ASAP2: variants seen among roughly 807,000 people sequenced by gnomAD.
ASAP2 encodes the protein ArfGAP with SH3 domain, ankyrin repeat and PH domain 2.
A neutral mutation model predicts 131.4 loss-of-function variants in ASAP2; 45 were observed. The ratio of observed to expected loss-of-function variants is 0.34; its 90% CI spans 0.27 to 0.44. ASAP2 has a LOEUF of 0.44. ASAP2 is among the 20% of genes least tolerant of loss of function. ASAP2 has a pLI of 1.00. For missense variants in ASAP2, 1,011 were observed against 1,297.0 expected, an observed-to-expected ratio of 0.78 and a Z score of 3.39; for synonymous variants, 510 against 503.0, an observed-to-expected ratio of 1.01 and a Z score of -0.19.
intron 1 of ASAP2, among the ~76,000 whole-genome samples, chr2:9,252,416 A>T (rs1266641053): frequency 1.3e-5 from 2 of 151,968 alleles, no homozygotes; most frequent in African/African-American, 2.4e-5. Context: ...CCCCATCTTT[A>T]CTAAAAATAC....
At chr2:9,381,723 C>A (rs555995904) in intron 20 of ASAP2, among the ~76,000 whole-genome samples, 2 of 152,136 alleles carry the variant, frequency 1.3e-5, no homozygotes, top group East Asian at 3.9e-4. Flanking sequence ...GGCAACAGAG[C>A]AACACGCCAT....
At chr2:9,347,279 C>T (rs1018361236) in intron 11 of ASAP2, among the ~76,000 whole-genome samples, 11 of 152,184 alleles carry the variant, frequency 7.2e-5, no homozygotes, top group African/African-American at 1.9e-4. Flanking sequence ...TGTATGACTG[C>T]GTCTACAGAG....
At chr2:9,271,731 G>A (rs1174724685) in intron 1 of ASAP2, 2 of 429,194 alleles carry the variant, frequency 4.7e-6, no homozygotes, top group Non-Finnish European at 4.1e-6. Context: ...AGGCTGCTGA[G>A]TCCTCGGCAG....
chr2:9,274,624 A>C (rs1020842001), intron 1 of ASAP2, among the ~76,000 whole-genome samples: 2 of 151,848 alleles, frequency 1.3e-5, no homozygotes, highest in African/African-American at 4.9e-5. Flanking sequence ...CGTCCAGCCT[A>C]ACACTCAATC....
Position 9,217,603 on chromosome 2 carries a change from G to A in ASAP2, c.126+10373G>A, listed in dbSNP as rs1572180735. Among the ~76,000 whole-genome samples the A allele has an allele frequency of 6.8e-6, 1 of 147,806 alleles. No individual in the cohort carries two copies. The highest frequency in any genetic ancestry group is 6.8e-5 in the Admixed American group (1 of 14,802). On this transcript the variant is annotated intron_variant, in intron 1 of 27. Transcript: ENST00000281419. This position sits in a 1 kb window ranked among gnomAD's most constrained non-coding sequence, Gnocchi z 4.0. ...AGAAGAAATCATGTTCTTCTTAGAG[G>A]TATGTTTTTGTTTTTTGTTTTTTTT...
chr2:9,337,721 C>A (rs992064271), intron 9 of ASAP2, among the ~76,000 whole-genome samples: 1 of 152,176 alleles, frequency 6.6e-6, no homozygotes, highest in African/African-American at 2.4e-5. Flanking sequence ...TGTGACCCTG[C>A]AGCTTTGTTT....
Position 9,356,348 on chromosome 2 carries a change from G to A in ASAP2, c.1327+3G>A. ...CTGCTGTGACTGTGGGGCGCCAGGT[G>A]ACCCAGGGACCCCACCCGACCCTGG... is the stretch of plus-strand genomic sequence containing the variant. On this transcript the variant is annotated splice_donor_region_variant and intron_variant, in intron 14 of 27. Coordinates refer to ENST00000281419, the MANE Select transcript of ASAP2 (RefSeq NM_003887.3). The A allele has an allele frequency of 6.3e-7, 1 of 1,579,372 alleles. No homozygotes were observed. The highest frequency in any genetic ancestry group is 2.2e-5 in the East Asian group (1 of 44,616).
intron 1 of ASAP2, among the ~76,000 whole-genome samples, chr2:9,265,794 C>G (rs375481405): frequency 1.3e-5 from 2 of 151,928 alleles, no homozygotes; most frequent in African/African-American, 4.8e-5. Context: ...TTTTTTGAGA[C>G]GGAGTTTCAC....
chr2:9,263,727 G>C (rs1361271800), intron 1 of ASAP2, among the ~76,000 whole-genome samples: 1 of 152,160 alleles, frequency 6.6e-6, no homozygotes, highest in Admixed American at 6.5e-5. Flanking sequence ...TAGTGTGTGT[G>C]GGTTTAGAGC....
At chr2:9,255,572 C>A (rs951852585) in intron 1 of ASAP2, among the ~76,000 whole-genome samples, 4 of 152,156 alleles carry the variant, frequency 2.6e-5, no homozygotes, top group African/African-American at 9.7e-5. Context: ...TTCTGTGTGT[C>A]CTTGCCGTGG....
intron 15 of ASAP2, among the ~76,000 whole-genome samples, chr2:9,359,976 T>C (rs1672979242): frequency 6.6e-6 from 1 of 152,206 alleles, no homozygotes. Context: ...CCTGGTTACA[T>C]ACAGCAATTA....
intron 1 of ASAP2, among the ~76,000 whole-genome samples, chr2:9,257,477 A>G (rs367889986): frequency 1.3e-5 from 2 of 152,332 alleles, no homozygotes; most frequent in South Asian, 2.1e-4. Flanking sequence ...GAACCAGTAC[A>G]TGATGTCGGA....
chr2:9,389,710 C>T lies in ASAP2; in HGVS notation c.2383+1164C>T, dbSNP rs919188600. On this transcript the variant is annotated intron_variant, in intron 22 of 27. Transcript: ENST00000281419. The surrounding 1 kb of genome is among the most constrained non-coding windows in gnomAD (Gnocchi z 4.7). Reference sequence around the variant, plus strand: ...CCCCGAAGAACAAACCTGCTGAGAGCAGACCTTCCCCCAGGCAGGCCCAGA... The same window carrying T: ...CCCCGAAGAACAAACCTGCTGAGAGTAGACCTTCCCCCAGGCAGGCCCAGA... Among the ~76,000 whole-genome samples the T allele has an allele frequency of 6.6e-6, 1 of 152,198 alleles. No homozygotes were observed. The highest frequency in any genetic ancestry group is 2.4e-5 in the African/African-American group (1 of 41,440).
chr2:9,349,314 A>T (rs1242900154), intron 11 of ASAP2, among the ~76,000 whole-genome samples: 1 of 152,212 alleles, frequency 6.6e-6, no homozygotes, highest in Non-Finnish European at 1.5e-5. Flanking sequence ...TTGCACGTGT[A>T]CAGTTGTGTC....
At position 9,252,585 on chromosome 2, in the gene ASAP2, C is replaced by T. The variant is rs568321823; in HGVS notation, c.127-26732C>T. Among the ~76,000 whole-genome samples, 4 of 150,578 alleles carry T rather than the reference C, an allele frequency of 2.7e-5. No homozygotes were observed. In the East Asian group the frequency reaches 6.0e-4, roughly 23 times the overall value. On this transcript the variant is annotated intron_variant, in intron 1 of 27. Transcript: ENST00000281419. ...TGAGACCCTATTCCCCTAACACCCCCGCCCCCCAAAAAAAGCCTTCGGAAG... is the reference window on the plus strand; with the variant it reads ...TGAGACCCTATTCCCCTAACACCCCTGCCCCCCAAAAAAAGCCTTCGGAAG...
At chr2:9,361,971 CTGCG>C (rs1268391580) in intron 15 of ASAP2, among the ~76,000 whole-genome samples, 5 of 91,398 alleles carry the variant, frequency 5.5e-5, no homozygotes, top group African/African-American at 2.3e-4. Context: ...ATCTCTTTCT[CTGCG>C]TGTGTGTGTG....
intron 3 of ASAP2, among the ~76,000 whole-genome samples, chr2:9,305,609 G>C (rs1211677305): frequency 7.6e-6 from 1 of 131,104 alleles, no homozygotes; most frequent in Non-Finnish European, 1.6e-5. Flanking sequence ...GGAGTAGTGA[G>C]GTATAGATAT....
At position 9,268,571 on chromosome 2, in the gene ASAP2, A is replaced by C. The variant is rs1666105012; in HGVS notation, c.127-10746A>C. Reference sequence around the variant, plus strand: ...CGCTTCCCAAAAGGCTTCTGGAAATATTTGACACTGTCATTAATGCTCTCT... The same window carrying C: ...CGCTTCCCAAAAGGCTTCTGGAAATCTTTGACACTGTCATTAATGCTCTCT... On this transcript the variant is annotated intron_variant, in intron 1 of 27. Coordinates refer to ENST00000281419, the MANE Select transcript of ASAP2 (RefSeq NM_003887.3). The surrounding 1 kb of genome is among the most constrained non-coding windows in gnomAD (Gnocchi z 4.1). Among the ~76,000 whole-genome samples, 1 of 152,194 alleles carries C rather than the reference A, an allele frequency of 6.6e-6. No individual in the cohort carries two copies. The highest frequency in any genetic ancestry group is 2.1e-4 in the South Asian group (1 of 4,830).
At position 9,207,369 on chromosome 2, in the gene ASAP2, A is replaced by T. The variant is rs1661190657; in HGVS notation, c.126+139A>T. ...CCGGGCCAACCCTGCCCGAGACAGA[A>T]GCCCTTTGTTCCCGCCTAGGTGGCT... On this transcript the variant is annotated intron_variant, in intron 1 of 27. Coordinates refer to ENST00000281419, the MANE Select transcript of ASAP2 (RefSeq NM_003887.3). This position sits in a 1 kb window ranked among gnomAD's most constrained non-coding sequence, Gnocchi z 4.1. The T allele has an allele frequency of 2.4e-6, 3 of 1,248,110 alleles. No homozygotes were observed. Among genetic ancestry groups the T allele is most frequent in the Non-Finnish European group, 3.2e-6 (3 of 948,164 alleles). The allele number at this position is 1,248,110 out of a possible 1,614,324, so 77.3% of individuals were successfully genotyped here.
Sources: gnomAD v4.1 joint callset for allele counts (sites outside exome capture counted in the v4.1 genomes callset) on GRCh38, gnomAD v4.1.1 for gene constraint, Gnocchi (gnomAD v3.1) non-coding constraint, MANE v1.5 for transcripts, NCBI Gene and HGNC (gene_info 2026-07-23, HGNC 2026-07-21) for gene names.